Variants in MSI2 observed in about 807,000 individuals in gnomAD.
MSI2 encodes RNA-binding protein Musashi homolog 2.
Under a neutral mutation model 45.6 loss-of-function variants are expected in MSI2, and 17 were observed. The ratio of observed to expected loss-of-function variants is 0.37; its 90% CI spans 0.26 to 0.56. MSI2 has a LOEUF of 0.56. MSI2 is among the 20% of genes least tolerant of loss of function. MSI2 has a pLI of 0.77. For missense variants in MSI2, 293 were observed against 444.2 expected, an observed-to-expected ratio of 0.66 and a Z score of 3.06; for synonymous variants, 156 against 158.2, an observed-to-expected ratio of 0.99 and a Z score of 0.11.
chr17:57,262,179 G>A lies in MSI2; in HGVS notation c.299G>A (p.Arg100Gln), dbSNP rs1439557709. ...GACCCCAAAGTTGCATTTCCTCGTC[G>A]AGCGCAACCCAAGGTAAGTAGGAGA... is the stretch of plus-strand genomic sequence containing the variant. ...TIDPKVAFPRRAQPKMVTRTK... is the reference protein window; with the variant it reads ...TIDPKVAFPRQAQPKMVTRTK... Residue 100 changes from arginine (R) to glutamine (Q), a missense_variant, in exon 5 of 14, where the codon CGA (arginine) becomes CAA (glutamine). By Grantham distance (43) the Arg-to-Gln change is conservative. Coordinates refer to ENST00000284073, the MANE Select transcript of MSI2 (RefSeq NM_138962.4). 2.5e-6 allele frequency: 4 copies of A among 1,613,148 alleles called. No homozygotes were observed. Among genetic ancestry groups the A allele is most frequent in the East Asian group, 2.2e-5 (1 of 44,872 alleles).
chr17:57,641,911 T>C (rs950050072), intron 10 of MSI2, among the ~76,000 whole-genome samples: 6 of 152,196 alleles, frequency 3.9e-5, no homozygotes, highest in Non-Finnish European at 7.3e-5. Flanking sequence ...GGACATTCTC[T>C]CCCTTGAAGT....
At chr17:57,382,272 TAAAAC>T (rs1219782248) in intron 5 of MSI2, among the ~76,000 whole-genome samples, 1 of 151,926 alleles carries the variant, frequency 6.6e-6, no homozygotes, top group African/African-American at 2.4e-5. Context: ...AGGTGAGAAA[TAAAAC>T]AAGCAAATTA....
At chr17:57,607,328 A>G (rs1472504685) in intron 8 of MSI2, among the ~76,000 whole-genome samples, 1 of 152,328 alleles carries the variant, frequency 6.6e-6, no homozygotes, top group East Asian at 1.9e-4. Context: ...TGGGCCATTT[A>G]TAACATGCAT....
intron 10 of MSI2, among the ~76,000 whole-genome samples, chr17:57,651,761 AG>A (rs35526580): frequency 3.3e-5 from 5 of 152,348 alleles, no homozygotes; most frequent in African/African-American, 1.2e-4. Flanking sequence ...AGACAACCCC[AG>A]GGGAGCCACT....
chr17:57,666,162 A>G (rs556833745), intron 11 of MSI2, among the ~76,000 whole-genome samples: 2 of 152,354 alleles, frequency 1.3e-5, no homozygotes, highest in African/African-American at 4.8e-5. Flanking sequence ...AACAGAGGAA[A>G]CCTTGTCAAA....
rs916067682 is a variant in MSI2, at chr17:57,627,157, C to A, written c.653-72C>A. On this transcript the variant is annotated intron_variant, in intron 9 of 13. Transcript: ENST00000284073. The surrounding 1 kb of genome is among the most constrained non-coding windows in gnomAD (Gnocchi z 4.6). ...AACTCAGGCTTTCCTCATTGCCACC[C>A]TCCGTGAGATTTTACCCCAGACCTG... The A allele has an allele frequency of 5.6e-5, 74 of 1,330,424 alleles. No individual in the cohort carries two copies. The highest frequency in any genetic ancestry group is 7.6e-5 in the Non-Finnish European group (70 of 922,152). 82.4% of individuals were successfully genotyped at this position (1,330,424 alleles called of 1,614,324 possible). A position where few individuals can be genotyped will look rare whatever the true frequency, so the allele number is the denominator to read the frequency against.
At chr17:57,411,833 C>G (rs1241497983) in intron 6 of MSI2, among the ~76,000 whole-genome samples, 1 of 151,918 alleles carries the variant, frequency 6.6e-6, no homozygotes, top group Non-Finnish European at 1.5e-5. Context: ...ATGGTGAAAC[C>G]CTGTCTCTAC....
At chr17:57,345,339 A>C (rs1915513749) in intron 5 of MSI2, among the ~76,000 whole-genome samples, 1 of 152,094 alleles carries the variant, frequency 6.6e-6, no homozygotes, top group Non-Finnish European at 1.5e-5. Flanking sequence ...TTACTGAGAG[A>C]AGCCCTGCTG....
rs947665984 is a variant in MSI2, at chr17:57,682,932, A to C, written c.*3415A>C. ...GGGCATGGGGCTGACGGAGATGACCAAGCCTTGGTCTGCTCTCTAGCAGCT... is the reference window on the plus strand; with the variant it reads ...GGGCATGGGGCTGACGGAGATGACCCAGCCTTGGTCTGCTCTCTAGCAGCT... On this transcript the variant is annotated 3_prime_UTR_variant, in exon 14 of 14. Coordinates refer to ENST00000284073, the MANE Select transcript of MSI2 (RefSeq NM_138962.4). The C allele has an allele frequency of 1.3e-5, 3 of 227,434 alleles. No homozygotes were observed. The highest frequency in any genetic ancestry group is 2.6e-5 in the Non-Finnish European group (3 of 114,578). The allele number at this position is 227,434 out of a possible 1,614,324, so 14.1% of individuals were successfully genotyped here. A position where few individuals can be genotyped will look rare whatever the true frequency, so the allele number is the denominator to read the frequency against.
rs1469442879 is a variant in MSI2 at position 57,318,921 on chromosome 17, A to T, written c.312+56729A>T. Among the ~76,000 whole-genome samples the T allele has an allele frequency of 2.0e-5, 3 of 152,360 alleles. No individual in the cohort carries two copies. The South Asian group carries it at 6.2e-4, about 32-fold the overall frequency. On this transcript the variant is annotated intron_variant, in intron 5 of 13. Transcript: ENST00000284073. ...AGGGAGAGAAGCAGGGAAGCAGGCTAGGGAAACATCCTTCTCCACTCAACT... is the reference window on the plus strand; with the variant it reads ...AGGGAGAGAAGCAGGGAAGCAGGCTTGGGAAACATCCTTCTCCACTCAACT...
At chr17:57,535,244 G>A (rs1051931969) in intron 7 of MSI2, among the ~76,000 whole-genome samples, 1 of 152,228 alleles carries the variant, frequency 6.6e-6, no homozygotes, top group Non-Finnish European at 1.5e-5. Context: ...TCCCCATTGT[G>A]AGGGTCACTG....
rs573426152 is a variant in MSI2 at position 57,378,173 on chromosome 17, C to T, written c.313-23206C>T. On this transcript the variant is annotated intron_variant, in intron 5 of 13. Coordinates refer to ENST00000284073, the MANE Select transcript of MSI2 (RefSeq NM_138962.4). ...CGTGTCCCGGGCTGGAGTGCAATGG[C>T]GCACACAATCTTGGTTCACTGTAGC... Among the ~76,000 whole-genome samples, 173 of 152,072 alleles carry T rather than the reference C, an allele frequency of 1.1e-3. 1 individual carries two copies. The highest frequency in any genetic ancestry group is 0.01 in the Middle Eastern group (3 of 294).
At chr17:57,494,361 G>A (rs2085934050) in intron 6 of MSI2, among the ~76,000 whole-genome samples, 1 of 152,178 alleles carries the variant, frequency 6.6e-6, no homozygotes, top group Non-Finnish European at 1.5e-5. Flanking sequence ...ATGCAGAAGC[G>A]TCCCGCAAGA....
intron 6 of MSI2, among the ~76,000 whole-genome samples, chr17:57,443,435 A>G (rs2084838150): frequency 6.6e-6 from 1 of 152,162 alleles, no homozygotes; most frequent in Admixed American, 6.5e-5. Context: ...TCGGCTGCCC[A>G]ATCTGTACCC....
Position 57,683,923 on chromosome 17 carries a change from TTTTC to T in MSI2, c.*4414_*4417del, listed in dbSNP as rs1462623980. 19 of 230,470 alleles carry T rather than the reference TTTTC, an allele frequency of 8.2e-5. No homozygotes were observed. The highest frequency in any genetic ancestry group is 9.5e-5 in the Non-Finnish European group (11 of 116,304). The allele number at this position is 230,470 out of a possible 1,614,324, so 14.3% of individuals were successfully genotyped here. ...TAATACTGTAATATGTTTGTTTTCTTTTTCTTTCTTTTTTTTCTACCAAAAAAAA... is the reference window on the plus strand; with the variant it reads ...TAATACTGTAATATGTTTGTTTTCTTTTTCTTTTTTTTCTACCAAAAAAAA... On this transcript the variant is annotated 3_prime_UTR_variant, in exon 14 of 14. Transcript: ENST00000284073. This position sits in a 1 kb window ranked among gnomAD's most constrained non-coding sequence, Gnocchi z 5.2.
intron 5 of MSI2, among the ~76,000 whole-genome samples, chr17:57,295,736 A>G (rs1910862692): frequency 1.3e-5 from 2 of 152,154 alleles, no homozygotes; most frequent in African/African-American, 4.8e-5. Flanking sequence ...TGCTGATTCA[A>G]TCTACAAAGT....
intron 5 of MSI2, among the ~76,000 whole-genome samples, chr17:57,334,734 C>T (rs1914554826): frequency 6.6e-6 from 1 of 151,620 alleles, no homozygotes; most frequent in African/African-American, 2.4e-5. Flanking sequence ...GCGGAGGTTG[C>T]AGTGAGCCAA....
In MSI2 at chr17:57,682,873, G is replaced by T. The variant is rs1178478563; in HGVS notation, c.*3356G>T. On this transcript the variant is annotated 3_prime_UTR_variant, in exon 14 of 14. Transcript: ENST00000284073. ...CCTCCCAAGCAGAGGCGAGTGAGTG[G>T]CATTAGCTCCCGGACCCATTCCCGG... 8.9e-6 allele frequency: 2 copies of T among 225,064 alleles called. No individual in the cohort carries two copies. The highest frequency in any genetic ancestry group is 1.8e-5 in the Non-Finnish European group (2 of 113,010). 13.9% of individuals were successfully genotyped at this position (225,064 alleles called of 1,614,324 possible). A position where few individuals can be genotyped will look rare whatever the true frequency, so the allele number is the denominator to read the frequency against.
At chr17:57,306,697 AATTTT>A (rs1347205896) in intron 5 of MSI2, among the ~76,000 whole-genome samples, 2 of 152,076 alleles carry the variant, frequency 1.3e-5, no homozygotes, top group African/African-American at 2.4e-5. Context: ...CTCTGCTGCC[AATTTT>A]ATTTTGTTTT....
Sources: allele counts gnomAD v4.1 joint callset (sites outside exome capture counted in the v4.1 genomes callset), GRCh38; gene constraint gnomAD v4.1.1; non-coding constraint Gnocchi (gnomAD v3.1); transcripts MANE v1.5; gene names NCBI Gene and HGNC (gene_info 2026-07-23, HGNC 2026-07-21).